Variants in HDLBP observed in about 807,000 individuals in gnomAD.
HDLBP encodes the protein high density lipoprotein binding protein.
HDLBP carries 30 observed loss-of-function variants against 137.3 expected under a neutral mutation model. The ratio of observed to expected loss-of-function variants is 0.22; its 90% CI spans 0.16 to 0.30. The LOEUF (loss-of-function observed/expected upper bound fraction) is 0.30, where lower values mean the gene tolerates loss of function less well. Among genes scored for constraint, HDLBP ranks in the 10% least tolerant of loss-of-function variants. HDLBP has a pLI of 1.00. For synonymous variants in HDLBP, 606 were observed against 596.0 expected, an observed-to-expected ratio of 1.02 and a Z score of -0.24; for missense variants, 1,119 against 1,667.3, an observed-to-expected ratio of 0.67 and a Z score of 5.73.
At chr2:241,265,923 C>T (rs2073633441) in intron 3 of HDLBP, among the ~76,000 whole-genome samples, 1 of 152,224 alleles carries the variant, frequency 6.6e-6, no homozygotes, top group Non-Finnish European at 1.5e-5. Context: ...CAACACCTGA[C>T]ACAGCAGCCA....
At position 241,272,716 on chromosome 2, in the gene HDLBP, TCCGCCCGCCCGC is replaced by T; in HGVS notation, c.-102-4187_-102-4176del. The T allele has an allele frequency of 4.6e-6, 2 of 438,468 alleles. No individual in the cohort carries two copies. The highest frequency in any genetic ancestry group is 5.2e-6 in the Non-Finnish European group (2 of 384,404). 27.2% of individuals were successfully genotyped at this position (438,468 alleles called of 1,614,324 possible). A position where few individuals can be genotyped will look rare whatever the true frequency, so the allele number is the denominator to read the frequency against. On this transcript the variant is annotated intron_variant, in intron 1 of 27. Transcript: ENST00000310931. This position sits in a 1 kb window ranked among gnomAD's most constrained non-coding sequence, Gnocchi z 5.6. ...CCCGCCCGGCAGCCCGCCCGCCCCGTCCGCCCGCCCGCCCAGGCCTCCCAGCCCCGTGTTGCG... is the reference window on the plus strand; with the variant it reads ...CCCGCCCGGCAGCCCGCCCGCCCCGTCCAGGCCTCCCAGCCCCGTGTTGCG...
chr2:241,239,237 T>C lies in HDLBP; in HGVS notation c.2610+365A>G, dbSNP rs928899099. ...ATGCCCTCAAATCGATTTTCTTTCCTTCACAGAGGGGAGAAGAGAGCTGAC... is the reference window on the plus strand; with the variant it reads ...ATGCCCTCAAATCGATTTTCTTTCCCTCACAGAGGGGAGAAGAGAGCTGAC... On this transcript the variant is annotated intron_variant, in intron 19 of 27. Transcript: ENST00000310931. This position sits in a 1 kb window ranked among gnomAD's most constrained non-coding sequence, Gnocchi z 4.6. Among the ~76,000 whole-genome samples the C allele has an allele frequency of 1.3e-5, 2 of 152,208 alleles. No individual in the cohort carries two copies. Among genetic ancestry groups the C allele is most frequent in the Non-Finnish European group, 2.9e-5 (2 of 68,032 alleles).
intron 15 of HDLBP, 58 bp downstream of exon 15, chr2:241,246,998 G>T: frequency 6.4e-7 from 1 of 1,561,800 alleles, no homozygotes; most frequent in Non-Finnish European, 8.8e-7. Flanking sequence ...AACCAAAATG[G>T]TGCAGGGCTA....
intron 1 of HDLBP, among the ~76,000 whole-genome samples, chr2:241,285,413 A>G (rs1284786268): frequency 2.5e-4 from 38 of 152,178 alleles, no homozygotes; most frequent in Admixed American, 2.4e-3. Flanking sequence ...GACTGGGTAA[A>G]CAAAGGGTGG....
chr2:241,299,505 CAAAAAAAAAAA>C (rs11423330), intron 1 of HDLBP, among the ~76,000 whole-genome samples: 12 of 49,592 alleles, frequency 2.4e-4, no homozygotes, highest in South Asian at 1.1e-3. Context: ...GGCTCCGTCT[CAAAAAAAAAAA>C]AAAAAAAAAA....
At chr2:241,242,778 G>T in intron 16 of HDLBP, 100 bp from the exon 17 acceptor site, 1 of 1,054,524 alleles carries the variant, frequency 9.5e-7, no homozygotes, top group Non-Finnish European at 1.4e-6. Flanking sequence ...TGAACACGCA[G>T]GCCTAGAGCC....
chr2:241,310,614 A>G (rs1450145224), intron 1 of HDLBP, among the ~76,000 whole-genome samples: 1 of 152,184 alleles, frequency 6.6e-6, no homozygotes, highest in African/African-American at 2.4e-5. Flanking sequence ...ACCTTAAGAA[A>G]ATTATGAGTG....
At chr2:241,249,642 C>CCATGGAGAA (rs2071961097) in intron 12 of HDLBP, among the ~76,000 whole-genome samples, 199 bp downstream of exon 12, 1 of 152,244 alleles carries the variant, frequency 6.6e-6, no homozygotes, top group African/African-American at 2.4e-5. Flanking sequence ...CAGCACACAG[C>CCATGGAGAA]CATGGAGAAC....
At position 241,229,313 on chromosome 2, in the gene HDLBP, GCTGA is replaced by G. The variant is rs2069438527; in HGVS notation, c.*284_*287del. ...GAGCTCTCGTGATGAAGGCCAGAGT[GCTGA>G]CTGACATGCCGGGTGGACCAGGAGC... is the stretch of plus-strand genomic sequence containing the variant. On this transcript the variant is annotated 3_prime_UTR_variant, in exon 28 of 28. Transcript: ENST00000310931. 1.4e-5 allele frequency: 5 copies of G among 354,660 alleles called. No individual in the cohort carries two copies. The highest frequency in any genetic ancestry group is 2.1e-5 in the Non-Finnish European group (4 of 188,234). 22.0% of individuals were successfully genotyped at this position (354,660 alleles called of 1,614,324 possible).
At chr2:241,280,202 T>A in intron 1 of HDLBP, 1 of 777,310 alleles carries the variant, frequency 1.3e-6, no homozygotes, top group Non-Finnish European at 1.6e-6. Context: ...GCTGAAAATT[T>A]AAAATTATAT....
chr2:241,307,822 A>G (rs1380883317), intron 1 of HDLBP, among the ~76,000 whole-genome samples: 2 of 152,062 alleles, frequency 1.3e-5, no homozygotes, highest in Non-Finnish European at 2.9e-5. Flanking sequence ...CTACATGTTG[A>G]GTGGAGTAAA....
chr2:241,272,917 TG>T lies in HDLBP; in HGVS notation c.-102-4377del. ...CGTCAGCGCCCGCCCGCCCCGCCGCTGGGGTCCCCGCCGCCCCGGGCCGCCC... is the reference window on the plus strand; with the variant it reads ...CGTCAGCGCCCGCCCGCCCCGCCGCTGGGTCCCCGCCGCCCCGGGCCGCCC... On this transcript the variant is annotated intron_variant, in intron 1 of 27. Coordinates refer to ENST00000310931, the MANE Select transcript of HDLBP (RefSeq NM_005336.6). The surrounding 1 kb of genome is among the most constrained non-coding windows in gnomAD (Gnocchi z 5.6). 1.5e-6 allele frequency: 1 copy of T among 686,244 alleles called. No homozygotes were observed. The highest frequency in any genetic ancestry group is 1.8e-6 in the Non-Finnish European group (1 of 557,026). 42.5% of individuals were successfully genotyped at this position (686,244 alleles called of 1,614,324 possible).
At chr2:241,252,267 C>CA (rs34489347) in intron 11 of HDLBP, among the ~76,000 whole-genome samples, 11,564 of 152,250 alleles carry the variant, frequency 0.076, 562 homozygotes, top group Middle Eastern at 0.15. Context: ...CTTGGGAGGC[C>CA]AAGGTGGGCA....
chr2:241,250,145 G>A (rs962121626), intron 11 of HDLBP, 165 bp from the exon 12 acceptor site: 5 of 634,910 alleles, frequency 7.9e-6, no homozygotes, highest in African/African-American at 1.9e-5. Flanking sequence ...TGTCTAGAAT[G>A]GGGGCCAGTT....
chr2:241,237,559 G>C (rs1193946071), intron 20 of HDLBP, among the ~76,000 whole-genome samples: 2 of 152,172 alleles, frequency 1.3e-5, no homozygotes, highest in Admixed American at 6.5e-5. Flanking sequence ...TTCTGAAGGA[G>C]AAAAACTGGC....
At chr2:241,293,235 A>C (rs529016379) in intron 1 of HDLBP, among the ~76,000 whole-genome samples, 1 of 152,118 alleles carries the variant, frequency 6.6e-6, no homozygotes, top group Non-Finnish European at 1.5e-5. Flanking sequence ...TCAAACCTGT[A>C]ATCTCAGCAC....
At chr2:241,279,009 C>CA (rs1559539614) in intron 1 of HDLBP, among the ~76,000 whole-genome samples, 2 of 152,058 alleles carry the variant, frequency 1.3e-5, no homozygotes. Flanking sequence ...TGAGCAACAG[C>CA]GTGAGACTCT....
At chr2:241,274,429 T>G (rs1489808359) in intron 1 of HDLBP, among the ~76,000 whole-genome samples, 1 of 152,242 alleles carries the variant, frequency 6.6e-6, no homozygotes, top group Non-Finnish European at 1.5e-5. Flanking sequence ...TGCTGTGGTT[T>G]GTTGGTAACC....
intron 1 of HDLBP, chr2:241,280,212 T>A: frequency 1.5e-6 from 1 of 686,936 alleles, no homozygotes; most frequent in Non-Finnish European, 1.8e-6. Context: ...TAAAATTATA[T>A]GTGGCTCATA....
Sources: allele counts gnomAD v4.1 joint callset (sites outside exome capture counted in the v4.1 genomes callset), GRCh38; gene constraint gnomAD v4.1.1; non-coding constraint Gnocchi (gnomAD v3.1); transcripts MANE v1.5; gene names NCBI Gene and HGNC (gene_info 2026-07-23, HGNC 2026-07-21).